The following CLPB variants were observed in gnomAD, a reference collection of about 807,000 sequenced individuals.
CLPB encodes the protein ClpB family mitochondrial disaggregase, also known as mitochondrial disaggregase.
CLPB carries 40 observed loss-of-function variants against 78.4 expected under a neutral mutation model. The ratio of observed to expected loss-of-function variants is 0.51; its 90% CI spans 0.40 to 0.66. CLPB has a LOEUF of 0.66. Among genes scored for constraint, CLPB ranks in the 30% least tolerant of loss-of-function variants. The pLI is 0.00. For synonymous variants in CLPB, 333 were observed against 348.0 expected, an observed-to-expected ratio of 0.96 and a Z score of 0.48; for missense variants, 780 against 886.9, an observed-to-expected ratio of 0.88 and a Z score of 1.53.
chr11:72,308,735 C>T (rs922149685), intron 7 of CLPB, 131 bp from the exon 8 acceptor site: 57 of 783,466 alleles, frequency 7.3e-5, no homozygotes, highest in Non-Finnish European at 1.2e-4. Flanking sequence ...TCCTCACTAC[C>T]ATTAGTGCTG....
At chr11:72,320,993 G>A (rs899800439) in intron 6 of CLPB, among the ~76,000 whole-genome samples, 4 of 152,180 alleles carry the variant, frequency 2.6e-5, no homozygotes, top group Non-Finnish European at 5.9e-5. Context: ...GATTACAGGC[G>A]TGAGCCACCG....
chr11:72,397,554 T>C (rs1855443587), intron 3 of CLPB, among the ~76,000 whole-genome samples: 1 of 152,200 alleles, frequency 6.6e-6, no homozygotes, highest in African/African-American at 2.4e-5. Context: ...TTTCCTAAAT[T>C]TTAGCTACTG....
At chr11:72,382,725 G>A (rs1209408418) in intron 3 of CLPB, among the ~76,000 whole-genome samples, 2 of 152,156 alleles carry the variant, frequency 1.3e-5, no homozygotes, top group Admixed American at 6.5e-5. Flanking sequence ...GCTTTCTCAG[G>A]CAAAGCCAAT....
intron 3 of CLPB, among the ~76,000 whole-genome samples, chr11:72,381,177 T>C (rs1319325393): frequency 1.3e-5 from 2 of 152,138 alleles, no homozygotes; most frequent in Non-Finnish European, 1.5e-5. Flanking sequence ...CCCTTACCCA[T>C]ATCACCCCTC....
At chr11:72,307,361 T>A in intron 8 of CLPB, 107 bp from the exon 9 acceptor site, 1 of 940,630 alleles carries the variant, frequency 1.1e-6, no homozygotes. Flanking sequence ...ATTCTATGGA[T>A]GAGAATGTTG....
At chr11:72,388,784 A>G (rs1386768960) in intron 3 of CLPB, among the ~76,000 whole-genome samples, 2 of 152,326 alleles carry the variant, frequency 1.3e-5, no homozygotes, top group East Asian at 3.9e-4. Context: ...GAGGGCTACA[A>G]GAGTATGATT....
chr11:72,308,485 C>A (rs780222738), intron 8 of CLPB, 42 bp downstream of exon 8: 2 of 1,580,120 alleles, frequency 1.3e-6, no homozygotes, highest in South Asian at 2.2e-5. Flanking sequence ...CCGGGCACTA[C>A]CCTAGCTCTC....
intron 6 of CLPB, among the ~76,000 whole-genome samples, chr11:72,321,878 C>T (rs1402742164): frequency 1.3e-5 from 2 of 149,628 alleles, no homozygotes; most frequent in Admixed American, 6.7e-5. Flanking sequence ...ATATCACAGT[C>T]GGGGCTTCTA....
chr11:72,431,145 C>G (rs1272656977), intron 1 of CLPB, among the ~76,000 whole-genome samples: 1 of 152,218 alleles, frequency 6.6e-6, no homozygotes, highest in Non-Finnish European at 1.5e-5. Context: ...TCTGGGCAGC[C>G]TGCAGGCTGT....
At chr11:72,390,958 C>T (rs534564304) in intron 3 of CLPB, among the ~76,000 whole-genome samples, 1 of 152,162 alleles carries the variant, frequency 6.6e-6, no homozygotes, top group East Asian at 1.9e-4. Flanking sequence ...TAGTCACACA[C>T]TATGAAACAC....
intron 1 of CLPB, among the ~76,000 whole-genome samples, chr11:72,430,984 C>T (rs910734426): frequency 1.3e-5 from 2 of 152,170 alleles, no homozygotes; most frequent in Non-Finnish European, 2.9e-5. Context: ...AACTCCTTGC[C>T]CTGCCAGCTT....
chr11:72,333,540 T>C (rs1950266038), intron 5 of CLPB, among the ~76,000 whole-genome samples: 1 of 152,266 alleles, frequency 6.6e-6, no homozygotes, highest in Non-Finnish European at 1.5e-5. Context: ...TGACCATTTC[T>C]TCTGTTTCTT....
At chr11:72,354,353 T>C in intron 5 of CLPB, 1 of 398,336 alleles carries the variant, frequency 2.5e-6, no homozygotes, top group Non-Finnish European at 4.4e-6. Flanking sequence ...GTACGATGGA[T>C]GCCTTGGAGA....
Position 72,294,024 on chromosome 11 carries a change from C to T in CLPB, c.1783G>A (p.Glu595Lys), listed in dbSNP as rs1949500163. Residue 595 changes from glutamate (E) to lysine (K), a missense_variant and splice_region_variant, in exon 15 of 16, where the codon GAG becomes AAG. Coordinates refer to ENST00000538039, the MANE Select transcript of CLPB (RefSeq NM_001258392.3). ...ATTTCTCAGGCTCCTGTGCTCACCT[C>T]ATGTTTGATGGAGCGGGCGCCATAG... ...VHYGARSIKH[E>K]VERRVVNQLA... 6.2e-7 allele frequency: 1 copy of T among 1,613,366 alleles called. No homozygotes were observed. Among genetic ancestry groups the T allele is most frequent in the African/African-American group, 1.3e-5 (1 of 74,930 alleles).
Position 72,433,540 on chromosome 11 carries a change from G to GAAATAAAT in CLPB, c.403+524_403+531dup, listed in dbSNP as rs563884899. 5.8e-3 allele frequency among the ~76,000 whole-genome samples: 808 copies of GAAATAAAT among 138,666 alleles called. 2 individuals carry two copies. The highest frequency in any genetic ancestry group is 0.012 in the South Asian group (52 of 4,170). The allele number at this position is 138,666 out of a possible 152,430, so 91.0% of individuals were successfully genotyped here. Reference sequence around the variant, plus strand: ...GGCGACAGAGCAAGACTCCATCTCAGAAATAAATAAATAAATAAATAAATA... The same window carrying GAAATAAAT: ...GGCGACAGAGCAAGACTCCATCTCAGAAATAAATAAATAAATAAATAAATAAATAAATA... On this transcript the variant is annotated intron_variant, in intron 1 of 15. Coordinates refer to ENST00000538039, the MANE Select transcript of CLPB (RefSeq NM_001258392.3).
chr11:72,416,735 C>CAAAAAAAAAAA (rs35655496), intron 2 of CLPB, among the ~76,000 whole-genome samples: 86 of 49,880 alleles, frequency 1.7e-3, no homozygotes, highest in Non-Finnish European at 2.8e-3. Flanking sequence ...GACTCCGTCT[C>CAAAAAAAAAAA]AAAAAAAAAA....
At chr11:72,421,116 G>T (rs1017102185) in intron 2 of CLPB, among the ~76,000 whole-genome samples, 1 of 152,168 alleles carries the variant, frequency 6.6e-6, no homozygotes, top group African/African-American at 2.4e-5. Flanking sequence ...TTTTTGCAGG[G>T]TACATGAATG....
rs1278820649 is a variant in CLPB, at chr11:72,286,694, G to A, written c.*6673C>T. 6.6e-6 allele frequency: 1 copy of A among 151,986 alleles called. No individual in the cohort carries two copies. 9.4% of individuals were successfully genotyped at this position (151,986 alleles called of 1,614,324 possible). A position where few individuals can be genotyped will look rare whatever the true frequency, so the allele number is the denominator to read the frequency against. On this transcript the variant is annotated 3_prime_UTR_variant, in exon 16 of 16. Coordinates refer to ENST00000538039, the MANE Select transcript of CLPB (RefSeq NM_001258392.3). ...TCACCATGTTGTCCAGGCTGGTCTC[G>A]AACTCCAGACCTAGGTGATCCACCT...
chr11:72,317,693 G>C (rs1404387040), intron 6 of CLPB, among the ~76,000 whole-genome samples: 1 of 152,214 alleles, frequency 6.6e-6, no homozygotes, highest in African/African-American at 2.4e-5. Context: ...TCAAAAGAGA[G>C]CTATGAACAC....
Sources: allele counts gnomAD v4.1 joint callset (sites outside exome capture counted in the v4.1 genomes callset), GRCh38; gene constraint gnomAD v4.1.1; transcripts MANE v1.5; gene names NCBI Gene and HGNC (gene_info 2026-07-23, HGNC 2026-07-21).